Variants in NFS1 observed in about 807,000 individuals in gnomAD.
NFS1 encodes the protein NFS1 cysteine desulfurase, also known as cysteine desulfurase.
NFS1 carries 26 observed loss-of-function variants against 57.3 expected under a neutral mutation model. The ratio of observed to expected loss-of-function variants is 0.45; its 90% confidence interval spans 0.33 to 0.63. The LOEUF is 0.63. NFS1 is among the 20% of genes least tolerant of loss of function. NFS1 has a pLI of 0.02. For missense variants in NFS1, 505 were observed against 605.8 expected (o/e 0.83, Z 1.75); for synonymous variants, 209 against 216.3 (o/e 0.97, Z 0.30).
At position 35,676,758 on chromosome 20, in the gene NFS1, G is replaced by GAAAAAAAAAAAAAA. The variant is rs746820595; in HGVS notation, c.791-1570_791-1557dup. Among the ~76,000 whole-genome samples, 7 of 18,132 alleles carry GAAAAAAAAAAAAAA rather than the reference G, an allele frequency of 3.9e-4. 1 individual carries two copies. Among genetic ancestry groups the GAAAAAAAAAAAAAA allele is most frequent in the African/African-American group, 7.6e-4 (3 of 3,928 alleles). The allele number at this position is 18,132 out of a possible 152,430, so 11.9% of individuals were successfully genotyped here. ...GCCTCCCAATAACCAGAGAAAATCA[G>GAAAAAAAAAAAAAA]AAAAAAAAAAAAAAAAAAAAAAAAA... On this transcript the variant is annotated intron_variant, in intron 7 of 12. Transcript: ENST00000374092.
chr20:35,669,756 C>T, intron 12 of NFS1, 71 bp from the exon 13 acceptor site: 1 of 1,408,412 alleles, frequency 7.1e-7, no homozygotes, highest in East Asian at 2.3e-5. Context: ...CCCCAAGGCT[C>T]TGAGCAATGG....
At chr20:35,693,658 A>T (rs2035081311) in intron 4 of NFS1, among the ~76,000 whole-genome samples, 1 of 152,020 alleles carries the variant, frequency 6.6e-6, no homozygotes, top group South Asian at 2.1e-4. Flanking sequence ...TGAGAGCCGC[A>T]TCTCTACAAA....
chr20:35,691,722 G>C (rs1014802708), intron 4 of NFS1, among the ~76,000 whole-genome samples: 1 of 109,718 alleles, frequency 9.1e-6, no homozygotes, highest in African/African-American at 3.7e-5. Flanking sequence ...CTGGGCAACA[G>C]AGCGAGACTG....
At position 35,698,546 on chromosome 20, in the gene NFS1, C is replaced by G. The variant is rs776667112; in HGVS notation, c.142G>C (p.Ala48Pro). Residue 48 changes from alanine to proline, a missense_variant, in exon 2 of 13, where the codon GCT becomes CCT. Transcript: ENST00000374092. ...AGCACTGGCCCCACCTCCGGGGCAG[C>G]GGCTGTATCTGCGGGAACCGCAGAC... ...PQSAVPADTA[A>P]APEVGPVLRP... 1.2e-6 allele frequency: 2 copies of G among 1,613,704 alleles called. No individual in the cohort carries two copies. Among genetic ancestry groups the G allele is most frequent in the South Asian group, 2.2e-5 (2 of 91,042 alleles).
chr20:35,694,760 G>A (rs2035102675), intron 4 of NFS1: 1 of 152,110 alleles, frequency 6.6e-6, no homozygotes, highest in Non-Finnish European at 1.5e-5. Flanking sequence ...GTGGTGGAGG[G>A]CGCCTGTAGT....
At chr20:35,679,389 G>A (rs1568958668) in intron 7 of NFS1, among the ~76,000 whole-genome samples, 1 of 152,064 alleles carries the variant, frequency 6.6e-6, no homozygotes, top group Non-Finnish European at 1.5e-5. Context: ...TCACCATGTT[G>A]ATCAGGCTGG....
intron 7 of NFS1, among the ~76,000 whole-genome samples, chr20:35,676,787 C>CAAAAAAAAAAAAAAAAAA (rs1206628678): frequency 1.3e-4 from 10 of 77,296 alleles, no homozygotes; most frequent in Admixed American, 3.8e-4. Flanking sequence ...AAAAAAAAAC[C>CAAAAAAAAAAAAAAAAAA]AAGAAAGAAA....
intron 4 of NFS1, chr20:35,692,399 TAA>T (rs60895762): frequency 1.1e-3 from 166 of 154,088 alleles, no homozygotes; most frequent in South Asian, 3.7e-3. Context: ...ATTAATTAAT[TAA>T]AAAAAAAAAA....
chr20:35,679,090 C>T (rs1285756161), intron 7 of NFS1, among the ~76,000 whole-genome samples: 1 of 152,292 alleles, frequency 6.6e-6, no homozygotes. Flanking sequence ...GACACCTGTA[C>T]ACATGTAAGT....
chr20:35,697,944 C>T (rs2035167457), intron 2 of NFS1, 144 bp from the exon 3 acceptor site: 2 of 572,376 alleles, frequency 3.5e-6, no homozygotes, highest in South Asian at 4.6e-5. Flanking sequence ...TTCTTTTGTT[C>T]CCACAAAACT....
At chr20:35,680,086 C>T (rs1320173928) in intron 7 of NFS1, among the ~76,000 whole-genome samples, 1 of 152,056 alleles carries the variant, frequency 6.6e-6, no homozygotes, top group Non-Finnish European at 1.5e-5. Context: ...GGGCGGATCA[C>T]GAGGTCAGGA....
intron 4 of NFS1, among the ~76,000 whole-genome samples, chr20:35,692,526 CTAAAAAAAAAAAAAAAAA>C (rs2035061485): frequency 1.7e-5 from 1 of 60,398 alleles, no homozygotes; most frequent in African/African-American, 7.7e-5. Flanking sequence ...ATCATCTATA[CTAAAAAAAAAAAAAAAAA>C]AAAAAAAAAA....
intron 7 of NFS1, 111 bp from the exon 8 acceptor site, chr20:35,675,313 A>G: frequency 8.5e-7 from 1 of 1,181,512 alleles, no homozygotes; most frequent in Non-Finnish European, 1.2e-6. Context: ...TAAGCATGAA[A>G]TTTTTCTAAA....
rs936785033 is a variant in NFS1 at position 35,672,787 on chromosome 20, G to A, written c.1278C>T (p.Cys426=). The change falls in exon 12 of 13, where the codon TGC becomes TGT. Residue 426 remains cysteine, a synonymous_variant. Transcript: ENST00000374092. ...CTCGAAGACGCTTCACATGCTGAAT[G>A]CATTTCTCCACTGTGTAGTCCACTT... The part of the protein sequence containing the change: ...EEEVDYTVEK[C]IQHVKRLREM... The A allele has an allele frequency of 1.9e-6, 3 of 1,613,474 alleles. No homozygotes were observed. Among genetic ancestry groups the A allele is most frequent in the Non-Finnish European group, 1.7e-6 (2 of 1,179,542 alleles).
At chr20:35,691,532 G>A (rs2035039736) in intron 4 of NFS1, among the ~76,000 whole-genome samples, 1 of 151,364 alleles carries the variant, frequency 6.6e-6, no homozygotes, top group African/African-American at 2.4e-5. Flanking sequence ...TCTAAGGTCA[G>A]GAGTTTGAGA....
At position 35,669,679 on chromosome 20, in the gene NFS1, G is replaced by C. The variant is rs368099947; in HGVS notation, c.1317C>G (p.Leu439=). Residue 439 remains leucine (L), a synonymous_variant, in exon 13 of 13, where the codon CTC becomes CTG. Transcript: ENST00000374092. ...HVKRLREMSP[L]WEMVQDGIDL... ...CAATGCCATCCTGAACCATCTCCCA[G>C]AGAGGGCTGCCAAAGAGAAGAGGCA... The C allele has an allele frequency of 2.3e-5, 37 of 1,613,940 alleles. No homozygotes were observed. The highest frequency in any genetic ancestry group is 3.0e-5 in the Non-Finnish European group (35 of 1,179,944).
intron 10 of NFS1, 102 bp from the exon 11 acceptor site, chr20:35,673,786 C>T (rs2034696032): frequency 1.2e-6 from 1 of 849,130 alleles, no homozygotes; most frequent in Non-Finnish European, 1.9e-6. Flanking sequence ...TGGAGTCATA[C>T]CCTGGAGAAA....
chr20:35,699,066 G>A lies in NFS1; in HGVS notation c.97+126C>T, dbSNP rs1388257649. ...CCGCCTAAGAAAGTTTGAGGGATGT[G>A]TCATTTGAGAGAAGGGTCAGAGGGT... On this transcript the variant is annotated intron_variant, in intron 1 of 12. Transcript: ENST00000374092. This position sits in a 1 kb window ranked among gnomAD's most constrained non-coding sequence, Gnocchi z 4.4. The A allele has an allele frequency of 7.5e-7, 1 of 1,325,226 alleles. No individual in the cohort carries two copies. Among genetic ancestry groups the A allele is most frequent in the Non-Finnish European group, 9.6e-7 (1 of 1,040,338 alleles). 82.1% of individuals were successfully genotyped at this position (1,325,226 alleles called of 1,614,324 possible).
chr20:35,699,196 C>A lies in NFS1; in HGVS notation c.93G>T (p.Leu31=). 7.1e-7 allele frequency: 1 copy of A among 1,411,808 alleles called. No individual in the cohort carries two copies. The highest frequency in any genetic ancestry group is 9.1e-7 in the Non-Finnish European group (1 of 1,094,066). 87.5% of individuals were successfully genotyped at this position (1,411,808 alleles called of 1,614,324 possible). Residue 31 remains leucine, a synonymous_variant, in exon 1 of 13, where the codon CTG becomes CTT. Coordinates refer to ENST00000374092, the MANE Select transcript of NFS1 (RefSeq NM_021100.5). This position sits in a 1 kb window ranked among gnomAD's most constrained non-coding sequence, Gnocchi z 4.4. The part of the protein sequence containing the change: ...KPAAPTRGLR[L]RVGDRAPQSA... ...GAGAGCGGGACCCGAGCGTACCGCG[C>A]AGGCGCAGCCCCCGAGTGGGCGCCG...
Sources: allele counts gnomAD v4.1 joint callset (sites outside exome capture counted in the v4.1 genomes callset), GRCh38; gene constraint gnomAD v4.1.1; non-coding constraint Gnocchi (gnomAD v3.1); transcripts MANE v1.5; gene names NCBI Gene and HGNC (gene_info 2026-07-23, HGNC 2026-07-21).